TYW1B: variants seen among roughly 807,000 people sequenced by gnomAD.
TYW1B encodes the protein S-adenosyl-L-methionine-dependent tRNA 4-demethylwyosine synthase TYW1B.
TYW1B carries 73 observed loss-of-function variants against 86.9 expected under a neutral mutation model. The observed-to-expected ratio is 0.84, with a 90% CI of 0.70 to 1.02. The LOEUF (loss-of-function observed/expected upper bound fraction) is 1.02. Among genes scored for constraint, TYW1B ranks in the 50% least tolerant of loss-of-function variants. TYW1B has a pLI of 0.00. For synonymous variants in TYW1B, 248 were observed against 292.8 expected (o/e 0.85, Z 1.56); for missense variants, 637 against 827.4 (o/e 0.77, Z 2.82).
chr7:72,710,520 G>A (rs1228290314), intron 10 of TYW1B, among the ~76,000 whole-genome samples: 3 of 151,772 alleles, frequency 2.0e-5, no homozygotes, highest in East Asian at 3.9e-4. Flanking sequence ...TCAACTCTTC[G>A]ATTTCCTATG....
chr7:72,701,632 G>C (rs1554452579), intron 10 of TYW1B, among the ~76,000 whole-genome samples: 4 of 152,012 alleles, frequency 2.6e-5, no homozygotes, highest in Non-Finnish European at 5.9e-5. Flanking sequence ...TGTTTGGTTT[G>C]GTTGGTTACT....
Position 72,755,666 on chromosome 7 carries a change from T to C in TYW1B, c.965-11065A>G. Among the ~76,000 whole-genome samples the C allele has an allele frequency of 1.3e-5, 2 of 151,996 alleles. 1 individual carries two copies. On this transcript the variant is annotated intron_variant, in intron 7 of 13. Transcript: ENST00000620995. Reference sequence around the variant, plus strand: ...GCGACAGAGTGAGCCTGTCTCAAACTGAAAAAGAAGGGAAGCGTCATCTGT... The same window carrying C: ...GCGACAGAGTGAGCCTGTCTCAAACCGAAAAAGAAGGGAAGCGTCATCTGT...
intron 11 of TYW1B, among the ~76,000 whole-genome samples, chr7:72,692,885 C>G (rs554015860): frequency 6.6e-6 from 1 of 152,160 alleles, no homozygotes; most frequent in East Asian, 1.9e-4. Flanking sequence ...GAAGCATGGC[C>G]CTCCTGGGGA....
At chr7:72,712,323 C>A (rs1554454923) in intron 10 of TYW1B, among the ~76,000 whole-genome samples, 1 of 152,184 alleles carries the variant, frequency 6.6e-6, no homozygotes, top group African/African-American at 2.4e-5. Flanking sequence ...ACCTAGCAAT[C>A]CTCCAATAGC....
At chr7:72,659,745 AAAG>A (rs1392452416) in intron 11 of TYW1B, among the ~76,000 whole-genome samples, 1 of 152,180 alleles carries the variant, frequency 6.6e-6, no homozygotes, top group East Asian at 1.9e-4. Context: ...AGATGCCAGC[AAAG>A]AAGAAAAAAA....
At chr7:72,817,811 C>A (rs868938310) in intron 2 of TYW1B, among the ~76,000 whole-genome samples, 1 of 152,040 alleles carries the variant, frequency 6.6e-6, no homozygotes, top group Non-Finnish European at 1.5e-5. Context: ...CCCCAGGTAC[C>A]CTTTGGAGGC....
chr7:72,609,542 G>T (rs1168422690), intron 13 of TYW1B, among the ~76,000 whole-genome samples: 1 of 151,898 alleles, frequency 6.6e-6, no homozygotes, highest in African/African-American at 2.4e-5. Context: ...CTGGGTGACA[G>T]AGTGAGATGA....
At chr7:72,684,524 T>TG (rs1258786636) in intron 11 of TYW1B, among the ~76,000 whole-genome samples, 4 of 151,892 alleles carry the variant, frequency 2.6e-5, no homozygotes, top group African/African-American at 9.7e-5. Flanking sequence ...AACCGGAAAC[T>TG]GGGGGAATTT....
At chr7:72,700,549 GTTGT>G (rs1814441307) in intron 10 of TYW1B, among the ~76,000 whole-genome samples, 1 of 152,220 alleles carries the variant, frequency 6.6e-6, no homozygotes, top group East Asian at 1.9e-4. Context: ...TTAACAGTGT[GTTGT>G]TTAATTTCCA....
At chr7:72,654,365 T>C (rs1266739119) in intron 11 of TYW1B, among the ~76,000 whole-genome samples, 1 of 152,146 alleles carries the variant, frequency 6.6e-6, no homozygotes, top group Non-Finnish European at 1.5e-5. Context: ...AGAAAAATCC[T>C]AATCAAGGGA....
At chr7:72,684,696 G>C (rs559501666) in intron 11 of TYW1B, among the ~76,000 whole-genome samples, 144 of 152,224 alleles carry the variant, frequency 9.5e-4, no homozygotes, top group Non-Finnish European at 2.0e-3. Flanking sequence ...TCATCTAACA[G>C]ATAGCAATTT....
At chr7:72,718,903 G>A (rs1424364487) in intron 9 of TYW1B, among the ~76,000 whole-genome samples, 15 of 151,974 alleles carry the variant, frequency 9.9e-5, no homozygotes, top group East Asian at 5.8e-4. Flanking sequence ...AGATGCACCG[G>A]GTTCACACTC....
At chr7:72,622,804 C>A (rs1323314735) in intron 12 of TYW1B, among the ~76,000 whole-genome samples, 2 of 151,818 alleles carry the variant, frequency 1.3e-5, no homozygotes, top group Non-Finnish European at 2.9e-5. Flanking sequence ...ATAACACACA[C>A]AACACACATG....
Position 72,820,969 on chromosome 7 carries a change from GA to G in TYW1B, c.136-5489del, listed in dbSNP as rs368847257. On this transcript the variant is annotated intron_variant, in intron 2 of 13. Transcript: ENST00000620995. The stretch of plus-strand genomic sequence containing the variant: ...GGAAGACAAAGAATTCGCACACTTA[GA>G]TTTTTTTTGTTGTTGTTGTTGAGAC... Among the ~76,000 whole-genome samples, 1,055 of 152,260 alleles carry G rather than the reference GA, an allele frequency of 6.9e-3. 14 individuals carry two copies. Among genetic ancestry groups the G allele is most frequent in the African/African-American group, 0.025 (1,026 of 41,572 alleles).
chr7:72,695,692 A>G (rs1554451339), intron 10 of TYW1B, among the ~76,000 whole-genome samples: 1 of 152,040 alleles, frequency 6.6e-6, no homozygotes, highest in Non-Finnish European at 1.5e-5. Context: ...TCCCAGGTTC[A>G]AGTGACCCTC....
chr7:72,693,266 T>A (rs1251428014), intron 11 of TYW1B, among the ~76,000 whole-genome samples: 2 of 152,118 alleles, frequency 1.3e-5, no homozygotes, highest in South Asian at 2.1e-4. Flanking sequence ...GTATGCCATA[T>A]GAAAACACAC....
At chr7:72,703,041 T>TG (rs1554452984) in intron 10 of TYW1B, among the ~76,000 whole-genome samples, 1 of 141,668 alleles carries the variant, frequency 7.1e-6, no homozygotes, top group Non-Finnish European at 1.5e-5. Flanking sequence ...TTTTTTTTTT[T>TG]TGAGATGGAG....
At chr7:72,796,542 T>C (rs1788308499) in intron 6 of TYW1B, among the ~76,000 whole-genome samples, 1 of 149,622 alleles carries the variant, frequency 6.7e-6, no homozygotes, top group South Asian at 2.1e-4. Flanking sequence ...GGCCAACTAA[T>C]TTTTTTTTTA....
chr7:72,604,274 C>A (rs1811743950), intron 13 of TYW1B, among the ~76,000 whole-genome samples: 1 of 152,084 alleles, frequency 6.6e-6, no homozygotes, highest in African/African-American at 2.4e-5. Flanking sequence ...GCCAGACTAG[C>A]CAACATGGTG....
Sources: allele counts gnomAD v4.1 joint callset (sites outside exome capture counted in the v4.1 genomes callset), GRCh38; gene constraint gnomAD v4.1.1; transcripts MANE v1.5; gene names NCBI Gene and HGNC (gene_info 2026-07-23, HGNC 2026-07-21).